Variants in DTNB observed in about 807,000 individuals in gnomAD.
DTNB encodes the protein dystrobrevin beta.
DTNB carries 63 observed loss-of-function variants against 90.7 expected under a neutral mutation model. That is an observed-to-expected ratio of 0.69 (90% CI 0.57 to 0.86). DTNB has a LOEUF of 0.86. Ranked by LOEUF, DTNB falls within the 40% of genes least tolerant of loss-of-function variation. The pLI is 0.00. For missense variants in DTNB, 744 were observed against 807.1 expected (o/e 0.92, Z 0.95); for synonymous variants, 277 against 286.7 (o/e 0.97, Z 0.34).
chr2:25,607,330 TA>T lies in DTNB; in HGVS notation c.363-10del. The T allele has an allele frequency of 6.3e-7, 1 of 1,580,412 alleles. No individual in the cohort carries two copies. Among genetic ancestry groups the T allele is most frequent in the South Asian group, 1.2e-5 (1 of 85,806 alleles). On this transcript the variant is annotated splice_polypyrimidine_tract_variant and intron_variant, in intron 4 of 20. Transcript: ENST00000406818. The stretch of plus-strand genomic sequence containing the variant: ...ACTTGCCTCGGCCCTCACTGCAAAA[TA>T]AATTATATTAGAAATAATTGCTATC...
At chr2:25,631,359 C>T (rs983369380) in intron 3 of DTNB, among the ~76,000 whole-genome samples, 61 of 151,930 alleles carry the variant, frequency 4.0e-4, no homozygotes, top group African/African-American at 1.4e-3. Flanking sequence ...TAGCTTGAAG[C>T]CAGGAGTTCA....
intron 4 of DTNB, among the ~76,000 whole-genome samples, chr2:25,617,777 C>T (rs1006130450): frequency 2.6e-5 from 4 of 151,978 alleles, no homozygotes; most frequent in Non-Finnish European, 5.9e-5. Flanking sequence ...ACATGGGAGG[C>T]TGAGGTAGGA....
intron 1 of DTNB, among the ~76,000 whole-genome samples, chr2:25,666,021 T>C (rs4396666): frequency 0.019 from 2,907 of 152,308 alleles, 51 homozygotes; most frequent in Non-Finnish European, 0.022. Flanking sequence ...GCTACTATTA[T>C]TGATATTATT....
At chr2:25,593,258 G>A (rs1160028654) in intron 6 of DTNB, among the ~76,000 whole-genome samples, 1 of 152,212 alleles carries the variant, frequency 6.6e-6, no homozygotes, top group African/African-American at 2.4e-5. Context: ...CTGGGGGAAA[G>A]TGCATATGAA....
chr2:25,555,072 G>A (rs899483399), intron 8 of DTNB, among the ~76,000 whole-genome samples: 8 of 151,940 alleles, frequency 5.3e-5, no homozygotes, highest in East Asian at 3.9e-4. Context: ...CGAGGTGGGC[G>A]GATCACGAAG....
At chr2:25,568,910 G>A (rs1486952566) in intron 8 of DTNB, among the ~76,000 whole-genome samples, 1 of 152,176 alleles carries the variant, frequency 6.6e-6, no homozygotes, top group Non-Finnish European at 1.5e-5. Context: ...TCCTCCCACC[G>A]CCTGGGGTGA....
chr2:25,485,496 T>C (rs569362809), intron 9 of DTNB, among the ~76,000 whole-genome samples: 1 of 152,362 alleles, frequency 6.6e-6, no homozygotes, highest in African/African-American at 2.4e-5. Context: ...GTATATATCA[T>C]GTTCAACCAT....
At chr2:25,470,369 ATT>A (rs71397496) in intron 10 of DTNB, among the ~76,000 whole-genome samples, 45 of 132,738 alleles carry the variant, frequency 3.4e-4, no homozygotes, top group African/African-American at 7.3e-4. Flanking sequence ...TTACACGACA[ATT>A]TTTTTTTTTT....
chr2:25,625,317 C>G (rs2073870926), intron 4 of DTNB, among the ~76,000 whole-genome samples: 1 of 152,104 alleles, frequency 6.6e-6, no homozygotes, highest in African/African-American at 2.4e-5. Context: ...GACAAAATGC[C>G]CTGGTTTTCA....
intron 1 of DTNB, among the ~76,000 whole-genome samples, chr2:25,667,353 G>C (rs2084694658): frequency 6.6e-6 from 1 of 152,190 alleles, no homozygotes; most frequent in South Asian, 2.1e-4. Flanking sequence ...GCCAGGCGTG[G>C]TGGCGGGTGC....
chr2:25,615,003 T>C (rs77000079), intron 4 of DTNB, among the ~76,000 whole-genome samples: 37 of 152,308 alleles, frequency 2.4e-4, no homozygotes, highest in African/African-American at 8.9e-4. Context: ...CAGTAGCAAG[T>C]AGTAGGCTGT....
chr2:25,537,021 A>C (rs1353390590), intron 8 of DTNB, among the ~76,000 whole-genome samples: 1 of 152,088 alleles, frequency 6.6e-6, no homozygotes, highest in East Asian at 1.9e-4. Flanking sequence ...GATTACAGGC[A>C]TGAGCCACCG....
intron 9 of DTNB, among the ~76,000 whole-genome samples, chr2:25,488,174 C>T (rs754698379): frequency 3.2e-4 from 49 of 151,956 alleles, no homozygotes; most frequent in Non-Finnish European, 5.4e-4. Flanking sequence ...AGCTAGGAGG[C>T]CAGGTAAGAG....
At chr2:25,666,015 C>A (rs933386551) in intron 1 of DTNB, among the ~76,000 whole-genome samples, 1 of 152,118 alleles carries the variant, frequency 6.6e-6, no homozygotes, top group Non-Finnish European at 1.5e-5. Flanking sequence ...ATGTTAGCTA[C>A]TATTATTGAT....
At chr2:25,667,221 G>A (rs1327115943) in intron 1 of DTNB, among the ~76,000 whole-genome samples, 1 of 152,102 alleles carries the variant, frequency 6.6e-6, no homozygotes, top group Non-Finnish European at 1.5e-5. Context: ...GGGTGTGGTG[G>A]CTCACGTCTT....
chr2:25,520,165 C>T (rs1442025719), intron 9 of DTNB, among the ~76,000 whole-genome samples: 4 of 152,098 alleles, frequency 2.6e-5, no homozygotes, highest in African/African-American at 9.7e-5. Flanking sequence ...GGGTGGATGA[C>T]GAGGTCAGGA....
At chr2:25,416,440 T>C (rs1462005551) in intron 16 of DTNB, among the ~76,000 whole-genome samples, 1 of 152,172 alleles carries the variant, frequency 6.6e-6, no homozygotes, top group Non-Finnish European at 1.5e-5. Context: ...GGGAGGCCAA[T>C]GCGGGCGGAT....
chr2:25,508,559 A>C (rs1575210203), intron 9 of DTNB, among the ~76,000 whole-genome samples: 1 of 116,078 alleles, frequency 8.6e-6, no homozygotes, highest in Non-Finnish European at 1.6e-5. Flanking sequence ...TTTGAGATGG[A>C]GTTTCGCTCT....
chr2:25,617,008 C>T (rs1054604688), intron 4 of DTNB, among the ~76,000 whole-genome samples: 2 of 151,174 alleles, frequency 1.3e-5, no homozygotes, highest in African/African-American at 2.4e-5. Context: ...TGTGTGGTCC[C>T]TTAACATACC....
Sources: allele counts gnomAD v4.1 joint callset (sites outside exome capture counted in the v4.1 genomes callset), GRCh38; gene constraint gnomAD v4.1.1; transcripts MANE v1.5; gene names NCBI Gene and HGNC (gene_info 2026-07-23, HGNC 2026-07-21).